BRDT: variants seen among roughly 807,000 people sequenced by gnomAD.
BRDT encodes bromodomain testis associated.
In BRDT, 77 loss-of-function variants were observed where a neutral mutation model predicts 113.9. That is an observed-to-expected ratio of 0.68 (90% CI 0.56 to 0.82). The LOEUF (loss-of-function observed/expected upper bound fraction) is 0.82, where lower values mean the gene tolerates loss of function less well. Among genes scored for constraint, BRDT ranks in the 40% least tolerant of loss-of-function variants. The pLI, the probability that BRDT is intolerant of heterozygous loss-of-function variation, is 0.00. For missense variants in BRDT, 1,027 were observed against 1,105.4 expected (o/e 0.93, Z 1.01); for synonymous variants, 358 against 366.5 (o/e 0.98, Z 0.26).
At chr1:92,009,421 T>C (rs1344132552) in intron 18 of BRDT, among the ~76,000 whole-genome samples, 1 of 152,166 alleles carries the variant, frequency 6.6e-6, no homozygotes, top group Non-Finnish European at 1.5e-5. Context: ...TTTAGCACAT[T>C]ATATGAATAT....
At chr1:91,956,315 C>A (rs1030514846) in intron 1 of BRDT, among the ~76,000 whole-genome samples, 1 of 151,686 alleles carries the variant, frequency 6.6e-6, no homozygotes, top group Admixed American at 6.6e-5. Context: ...CTGCCCCCCC[C>A]CACCCCCTGC....
rs1686601270 is a variant in BRDT, at chr1:91,999,069, A to C, written c.2288-2980A>C. On this transcript the variant is annotated intron_variant, in intron 15 of 18. Transcript: ENST00000399546. ...TTATTTAGGTGAGTTGAAGGAAAGGAGAATATAGAGACCAGAGAAGGGAAG... is the reference window on the plus strand; with the variant it reads ...TTATTTAGGTGAGTTGAAGGAAAGGCGAATATAGAGACCAGAGAAGGGAAG... Among the ~76,000 whole-genome samples, 3 of 152,236 alleles carry C rather than the reference A, an allele frequency of 2.0e-5. No homozygotes were observed. In the South Asian group the frequency reaches 6.2e-4, roughly 32 times the overall value.
intron 1 of BRDT, among the ~76,000 whole-genome samples, chr1:91,953,225 G>A (rs1217603730): frequency 1.3e-5 from 2 of 151,996 alleles, no homozygotes; most frequent in African/African-American, 4.8e-5. Flanking sequence ...GATGGTGTAG[G>A]ATTTGGAATT....
At chr1:91,999,905 T>G (rs1686682894) in intron 15 of BRDT, among the ~76,000 whole-genome samples, 1 of 152,264 alleles carries the variant, frequency 6.6e-6, no homozygotes, top group African/African-American at 2.4e-5. Flanking sequence ...TGAGACAGTC[T>G]GCCTGTGTTG....
chr1:91,982,344 T>C (rs1316066086), intron 12 of BRDT, among the ~76,000 whole-genome samples: 2 of 152,210 alleles, frequency 1.3e-5, no homozygotes, highest in African/African-American at 4.8e-5. Flanking sequence ...CATATTATCT[T>C]GTATAGTTTA....
At position 92,005,206 on chromosome 1, in the gene BRDT, G is replaced by C. The variant is rs761898823; in HGVS notation, c.2682G>C (p.Gln894His). 6.3e-7 allele frequency: 1 copy of C among 1,590,144 alleles called. No homozygotes were observed. The highest frequency in any genetic ancestry group is 8.5e-7 in the Non-Finnish European group (1 of 1,170,190). ...GAGAAGAGCAGAAAGAACATCAGCA[G>C]TCATCAGAAGCTCAAGATAAATCCA... is the stretch of plus-strand genomic sequence containing the variant. ...CSGEEQKEHQ[Q>H]SSEAQDKSKL... The change falls in exon 18 of 19, where the codon CAG becomes CAC. Residue 894 changes from glutamine (Q) to histidine (H), a missense_variant. Gln to His is a conservative substitution (Grantham distance 24). Coordinates refer to ENST00000399546, the MANE Select transcript of BRDT (RefSeq NM_207189.4).
At chr1:91,953,674 A>AT (rs1452472929) in intron 1 of BRDT, among the ~76,000 whole-genome samples, 3 of 152,216 alleles carry the variant, frequency 2.0e-5, no homozygotes, top group African/African-American at 7.2e-5. Flanking sequence ...CAAGAAAAAG[A>AT]TTCTTTTCAG....
intron 12 of BRDT, among the ~76,000 whole-genome samples, chr1:91,986,272 T>C (rs900604725): frequency 1.3e-5 from 2 of 152,148 alleles, no homozygotes; most frequent in Non-Finnish European, 2.9e-5. Context: ...GAGTGATTTA[T>C]AGGGAGCAAT....
chr1:92,011,005 A>C (rs2101838264), intron 18 of BRDT, among the ~76,000 whole-genome samples: 1 of 152,102 alleles, frequency 6.6e-6, no homozygotes, highest in East Asian at 1.9e-4. Context: ...GTCACATAGA[A>C]CTGGATATTT....
intron 13 of BRDT, among the ~76,000 whole-genome samples, chr1:91,991,713 CCAGGCGAGGTGGCT>C (rs1343737057): frequency 6.6e-6 from 1 of 152,176 alleles, no homozygotes; most frequent in Non-Finnish European, 1.5e-5. Context: ...ACAGAAGTGG[CCAGGCGAGGTGGCT>C]CACGCCTGTA....
intron 4 of BRDT, among the ~76,000 whole-genome samples, chr1:91,971,045 T>G (rs1203449000): frequency 1.3e-5 from 2 of 152,060 alleles, no homozygotes; most frequent in East Asian, 3.8e-4. Flanking sequence ...CTTCTGGGCC[T>G]CAGGAAGCTT....
At chr1:91,956,389 T>C (rs1681772007) in intron 1 of BRDT, among the ~76,000 whole-genome samples, 1 of 151,964 alleles carries the variant, frequency 6.6e-6, no homozygotes, top group Non-Finnish European at 1.5e-5. Flanking sequence ...TTTTCTGTAA[T>C]GACCTTGACT....
chr1:91,978,997 C>CAA (rs774952902), intron 7 of BRDT, among the ~76,000 whole-genome samples: 1,432 of 77,052 alleles, frequency 0.019, 46 homozygotes, highest in African/African-American at 0.059. Context: ...GACTACGTCT[C>CAA]AAAAAAAAAA....
At chr1:91,978,870 C>G (rs1030228151) in intron 7 of BRDT, among the ~76,000 whole-genome samples, 4 of 151,494 alleles carry the variant, frequency 2.6e-5, no homozygotes, top group African/African-American at 4.8e-5. Context: ...GGCATGGTGG[C>G]GCCTGTAGTC....
chr1:92,006,526 G>A (rs1476208767), intron 18 of BRDT, among the ~76,000 whole-genome samples: 1 of 152,132 alleles, frequency 6.6e-6, no homozygotes, highest in Non-Finnish European at 1.5e-5. Context: ...GAGTGCAGTG[G>A]TGTGATCTCG....
At chr1:91,957,346 A>G (rs181756422) in intron 1 of BRDT, among the ~76,000 whole-genome samples, 6 of 152,270 alleles carry the variant, frequency 3.9e-5, no homozygotes, top group African/African-American at 1.4e-4. Context: ...ACAAAAAACT[A>G]GCTGGGTGTG....
intron 14 of BRDT, 108 bp downstream of exon 14, chr1:91,992,422 AAAAAAAAAC>A: frequency 1.4e-6 from 1 of 690,282 alleles, no homozygotes. Context: ...CAAAAAAAAA[AAAAAAAAAC>A]CACAGCAAGT....
chr1:91,950,502 G>T (rs991719084), intron 1 of BRDT: 7 of 152,360 alleles, frequency 4.6e-5, no homozygotes, highest in African/African-American at 1.7e-4. Context: ...GGGACTCAAG[G>T]GAAAGGCCTG....
At chr1:91,982,732 A>T (rs1401838929) in intron 12 of BRDT, among the ~76,000 whole-genome samples, 1 of 151,854 alleles carries the variant, frequency 6.6e-6, no homozygotes, top group African/African-American at 2.4e-5. Flanking sequence ...TGATTGCTGT[A>T]TTTTGTTTTT....
Sources: gnomAD v4.1 joint callset for allele counts (sites outside exome capture counted in the v4.1 genomes callset) on GRCh38, gnomAD v4.1.1 for gene constraint, MANE v1.5 for transcripts, NCBI Gene and HGNC (gene_info 2026-07-23, HGNC 2026-07-21) for gene names.